The following GRK3 variants were observed in gnomAD, a reference collection of about 807,000 sequenced individuals.
GRK3 encodes G protein-coupled receptor kinase 3.
In GRK3, 54 loss-of-function variants were observed where a neutral mutation model predicts 95.7. That is an observed-to-expected ratio of 0.56 (90% confidence interval 0.45 to 0.71). GRK3 has a LOEUF of 0.71. Ranked by LOEUF, GRK3 falls within the 30% of genes least tolerant of loss-of-function variation. The pLI is 0.00. For missense variants in GRK3, 649 were observed against 851.2 expected (o/e 0.76, Z 2.96); for synonymous variants, 281 against 290.8 (o/e 0.97, Z 0.34).
chr22:25,565,142 G>T lies in GRK3; in HGVS notation c.102G>T (p.Leu34=). 1 of 1,526,170 alleles carries T rather than the reference G, an allele frequency of 6.6e-7. No individual in the cohort carries two copies. The highest frequency in any genetic ancestry group is 2.7e-5 in the East Asian group (1 of 36,572). 94.5% of individuals were successfully genotyped at this position (1,526,170 alleles called of 1,614,324 possible). The change falls in exon 1 of 21, where the codon CTG becomes CTT. Residue 34 remains leucine, a synonymous_variant. Transcript: ENST00000324198. The part of the protein sequence containing the change: ...PAARASKRIV[L]PEPSIRSVMQ... ...CCCGCGCCAGCAAGAGGATCGTCCT[G>T]CCGGAGCCCAGGTACCAGCTGCCCC...
chr22:25,710,341 T>C (rs902226627), intron 16 of GRK3, among the ~76,000 whole-genome samples: 4 of 152,346 alleles, frequency 2.6e-5, no homozygotes, highest in African/African-American at 7.2e-5. Flanking sequence ...TGTGACTGTA[T>C]TTTTACATAG....
chr22:25,622,556 G>A (rs2084594628), intron 2 of GRK3, among the ~76,000 whole-genome samples: 1 of 152,228 alleles, frequency 6.6e-6, no homozygotes, highest in African/African-American at 2.4e-5. Context: ...CCTGATGAGA[G>A]AAAAGAGGGG....
At position 25,725,488 on chromosome 22, in the gene GRK3, C is replaced by G. The variant is rs1326421623; in HGVS notation, c.*3038C>G. 2 of 398,200 alleles carry G rather than the reference C, an allele frequency of 5.0e-6. No individual in the cohort carries two copies. The highest frequency in any genetic ancestry group is 4.1e-5 in the African/African-American group (2 of 48,526). 24.7% of individuals were successfully genotyped at this position (398,200 alleles called of 1,614,324 possible). On this transcript the variant is annotated 3_prime_UTR_variant, in exon 21 of 21. Coordinates refer to ENST00000324198, the MANE Select transcript of GRK3 (RefSeq NM_005160.4). ...AAACATTCTCTTTGGTTCATTCATC[C>G]CCTCATGTCATGGGGGCTCATTGGT... is the stretch of plus-strand genomic sequence containing the variant.
At chr22:25,706,938 C>T (rs1416558726) in intron 15 of GRK3, among the ~76,000 whole-genome samples, 1 of 152,170 alleles carries the variant, frequency 6.6e-6, no homozygotes, top group African/African-American at 2.4e-5. Context: ...TCTTTGGCCC[C>T]AGCCTCCCAA....
intron 1 of GRK3, among the ~76,000 whole-genome samples, chr22:25,597,369 C>G (rs1000321435): frequency 6.6e-6 from 1 of 152,104 alleles, no homozygotes; most frequent in African/African-American, 2.4e-5. Flanking sequence ...GAAATACATT[C>G]TAATGTTCTA....
intron 15 of GRK3, among the ~76,000 whole-genome samples, chr22:25,706,281 GGAA>G (rs1397742185): frequency 1.1e-4 from 16 of 152,156 alleles, no homozygotes; most frequent in African/African-American, 3.9e-4. Context: ...TGGGTGTCAG[GGAA>G]GAAGTACGGC....
At chr22:25,607,349 TA>T (rs1427426671) in intron 2 of GRK3, among the ~76,000 whole-genome samples, 3 of 151,802 alleles carry the variant, frequency 2.0e-5, no homozygotes, top group Non-Finnish European at 4.4e-5. Flanking sequence ...CTGATTAACT[TA>T]AAAATGTTTT....
At chr22:25,696,522 A>G (rs200100057) in intron 13 of GRK3, among the ~76,000 whole-genome samples, 1 of 152,300 alleles carries the variant, frequency 6.6e-6, no homozygotes, top group East Asian at 1.9e-4. Context: ...CTTCAGTTAA[A>G]TTTTTTTATT....
At position 25,721,303 on chromosome 22, in the gene GRK3, A is replaced by G. The variant is rs2085430515; in HGVS notation, c.1811A>G (p.Glu604Gly). The change falls in exon 20 of 21, where the codon GAA becomes GGA. Residue 604 changes from glutamate to glycine, a missense_variant. Glu to Gly is a moderately conservative substitution (Grantham distance 98). Transcript: ENST00000324198. ...GESRQNLLTM[E>G]QILSVEETQI... is the part of the protein sequence containing the mutation. ...GGTTAGCAAAATTTACTGACAATGG[A>G]ACAGATTCTCTCTGTGGAAGAAACT... 6.3e-7 allele frequency: 1 copy of G among 1,590,354 alleles called. No homozygotes were observed. The highest frequency in any genetic ancestry group is 1.2e-5 in the South Asian group (1 of 86,834).
intron 1 of GRK3, among the ~76,000 whole-genome samples, chr22:25,585,432 A>G (rs1294129821): frequency 6.6e-6 from 1 of 152,198 alleles, no homozygotes; most frequent in Non-Finnish European, 1.5e-5. Context: ...ACTATTTATT[A>G]TCAATTACCA....
At position 25,625,898 on chromosome 22, in the gene GRK3, T is replaced by C. The variant is rs565806401; in HGVS notation, c.191-18694T>C. 2.0e-5 allele frequency among the ~76,000 whole-genome samples: 3 copies of C among 152,336 alleles called. No homozygotes were observed. In the East Asian group the frequency reaches 5.8e-4, roughly 29 times the overall value. On this transcript the variant is annotated intron_variant, in intron 2 of 20. Transcript: ENST00000324198. ...AGTGGACACGTGACCCACGTGACCTTACCTATCATTGGAGATGACTCACAC... is the reference window on the plus strand; with the variant it reads ...AGTGGACACGTGACCCACGTGACCTCACCTATCATTGGAGATGACTCACAC...
chr22:25,648,879 T>C, intron 3 of GRK3: 1 of 915,750 alleles, frequency 1.1e-6, no homozygotes, highest in Non-Finnish European at 1.8e-6. Context: ...AGACAATGAA[T>C]ACACATCAAG....
At chr22:25,583,111 G>T (rs1053341688) in intron 1 of GRK3, among the ~76,000 whole-genome samples, 12 of 150,962 alleles carry the variant, frequency 7.9e-5, no homozygotes, top group Non-Finnish European at 1.3e-4. Context: ...GGGAAGAGAG[G>T]GGGTAGGAGG....
In GRK3 at chr22:25,672,299, C is replaced by T; in HGVS notation, c.507C>T (p.Asp169=). 7.1e-7 allele frequency: 1 copy of T among 1,409,438 alleles called. No homozygotes were observed. The highest frequency in any genetic ancestry group is 9.9e-7 in the Non-Finnish European group (1 of 1,013,306). 87.3% of individuals were successfully genotyped at this position (1,409,438 alleles called of 1,614,324 possible). A position where few individuals can be genotyped will look rare whatever the true frequency, so the allele number is the denominator to read the frequency against. ...GDIFQKFMES[D]KFTRFCQWKN... ...TAATTATTTTATTCTCTTTTAGTGA[C>T]AAGTTCACTAGATTTTGTCAGTGGA... The change falls in exon 7 of 21, where the codon GAC becomes GAT. Residue 169 remains aspartate (D), a synonymous_variant. Transcript: ENST00000324198.
intron 8 of GRK3, among the ~76,000 whole-genome samples, chr22:25,676,053 T>A (rs377587426): frequency 6.6e-6 from 1 of 152,348 alleles, no homozygotes; most frequent in South Asian, 2.1e-4. Context: ...TGCCTTGTTA[T>A]GAGAATTAAA....
chr22:25,676,093 G>A (rs1216646727), intron 8 of GRK3, among the ~76,000 whole-genome samples: 2 of 152,220 alleles, frequency 1.3e-5, no homozygotes, highest in African/African-American at 4.8e-5. Context: ...GCTTTCGGAA[G>A]GCTGCTTGTT....
chr22:25,678,305 A>T (rs1321777176), intron 8 of GRK3, among the ~76,000 whole-genome samples: 3 of 152,134 alleles, frequency 2.0e-5, no homozygotes, highest in African/African-American at 7.2e-5. Flanking sequence ...ATACAAAAAA[A>T]TTAGCCGGTC....
At chr22:25,578,499 T>A (rs906447783) in intron 1 of GRK3, among the ~76,000 whole-genome samples, 1 of 152,136 alleles carries the variant, frequency 6.6e-6, no homozygotes, top group African/African-American at 2.4e-5. Context: ...TTATGTTATA[T>A]GACAAGGGGG....
intron 2 of GRK3, among the ~76,000 whole-genome samples, chr22:25,616,861 T>C (rs1481297501): frequency 1.3e-5 from 2 of 152,222 alleles, no homozygotes; most frequent in Non-Finnish European, 2.9e-5. Flanking sequence ...CCTCTTGGAA[T>C]TAAAGTAACT....
Sources: gnomAD v4.1 joint callset for allele counts (sites outside exome capture counted in the v4.1 genomes callset) on GRCh38, gnomAD v4.1.1 for gene constraint, MANE v1.5 for transcripts, NCBI Gene and HGNC (gene_info 2026-07-23, HGNC 2026-07-21) for gene names.